INPP5A: variants seen among roughly 807,000 people sequenced by gnomAD.
INPP5A encodes the protein inositol polyphosphate-5-phosphatase A.
INPP5A carries 14 observed loss-of-function variants against 65.2 expected under a neutral mutation model. The observed-to-expected ratio is 0.21, with a 90% CI of 0.14 to 0.34. The LOEUF (loss-of-function observed/expected upper bound fraction) is 0.34, where lower values mean the gene tolerates loss of function less well. Among genes scored for constraint, INPP5A ranks in the 10% least tolerant of loss-of-function variants. The pLI is 1.00. For missense variants in INPP5A, 431 were observed against 545.6 expected (o/e 0.79, Z 2.09); for synonymous variants, 207 against 208.3 (o/e 0.99, Z 0.05).
rs963571846 is a variant in INPP5A, at chr10:132,545,356, C to G, written c.75+7185C>G. Among the ~76,000 whole-genome samples, 4 of 152,128 alleles carry G rather than the reference C, an allele frequency of 2.6e-5. No individual in the cohort carries two copies. Among genetic ancestry groups the G allele is most frequent in the Non-Finnish European group, 5.9e-5 (4 of 68,032 alleles). The stretch of plus-strand genomic sequence containing the variant: ...GGCATTCGGAAGACTTTGACCAGAT[C>G]GGGGCGGCTGAGGGGGCTGCCTACG... On this transcript the variant is annotated intron_variant, in intron 1 of 15. Coordinates refer to ENST00000368594, the MANE Select transcript of INPP5A (RefSeq NM_005539.5). The surrounding 1 kb of genome is among the most constrained non-coding windows in gnomAD (Gnocchi z 4.6).
At chr10:132,696,772 G>C (rs1845350625) in intron 5 of INPP5A, among the ~76,000 whole-genome samples, 1 of 152,208 alleles carries the variant, frequency 6.6e-6, no homozygotes, top group South Asian at 2.1e-4. Context: ...TGTGCGCCTA[G>C]GGCTGGGCCG....
intron 4 of INPP5A, among the ~76,000 whole-genome samples, chr10:132,668,036 A>G (rs1398353606): frequency 2.0e-5 from 3 of 151,990 alleles, no homozygotes; most frequent in Non-Finnish European, 4.4e-5. Context: ...AGATCTTTCA[A>G]GTGTAACTTT....
At chr10:132,720,450 G>T (rs1845848308) in intron 8 of INPP5A, among the ~76,000 whole-genome samples, 1 of 150,848 alleles carries the variant, frequency 6.6e-6, no homozygotes, top group Non-Finnish European at 1.5e-5. Flanking sequence ...TTAGACGGCT[G>T]TCTTCAGGGT....
In INPP5A at chr10:132,540,099, C is replaced by G. The variant is rs971229304; in HGVS notation, c.75+1928C>G. 1.3e-4 allele frequency among the ~76,000 whole-genome samples: 20 copies of G among 152,170 alleles called. 1 individual carries two copies. The highest frequency in any genetic ancestry group is 4.6e-4 in the African/African-American group (19 of 41,444). On this transcript the variant is annotated intron_variant, in intron 1 of 15. Transcript: ENST00000368594. ...CATGTCACTATAGCATGGTTTTGTT[C>G]AGATGATTCAGATCCGTTAGCTGCG... is the stretch of plus-strand genomic sequence containing the variant.
At chr10:132,769,420 C>A (rs1187569152) in intron 12 of INPP5A, among the ~76,000 whole-genome samples, 1 of 152,220 alleles carries the variant, frequency 6.6e-6, no homozygotes, top group Non-Finnish European at 1.5e-5. Context: ...ATAAGGAACT[C>A]TCCCGGGCGG....
At chr10:132,669,843 C>T (rs918831905) in intron 4 of INPP5A, among the ~76,000 whole-genome samples, 1 of 152,042 alleles carries the variant, frequency 6.6e-6, no homozygotes, top group African/African-American at 2.4e-5. Flanking sequence ...CCCACTGTGG[C>T]CTTGCTGAGC....
chr10:132,674,450 C>T lies in INPP5A; in HGVS notation c.307-15942C>T, dbSNP rs551810850. Reference sequence around the variant, plus strand: ...TACAGCTGTCCACTTTCGGGTGGTGCCTGCATACCGTGCAGAACCATCTGT... The same window carrying T: ...TACAGCTGTCCACTTTCGGGTGGTGTCTGCATACCGTGCAGAACCATCTGT... On this transcript the variant is annotated intron_variant, in intron 4 of 15. Coordinates refer to ENST00000368594, the MANE Select transcript of INPP5A (RefSeq NM_005539.5). This position sits in a 1 kb window ranked among gnomAD's most constrained non-coding sequence, Gnocchi z 4.4. Among the ~76,000 whole-genome samples, 2 of 152,328 alleles carry T rather than the reference C, an allele frequency of 1.3e-5. No homozygotes were observed. The highest frequency in any genetic ancestry group is 4.1e-4 in the South Asian group (2 of 4,830).
At position 132,678,205 on chromosome 10, in the gene INPP5A, G is replaced by C. The variant is rs905893882; in HGVS notation, c.307-12187G>C. Among the ~76,000 whole-genome samples the C allele has an allele frequency of 2.6e-5, 4 of 152,230 alleles. No individual in the cohort carries two copies. In the South Asian group the frequency reaches 8.3e-4, roughly 32 times the overall value. ...GGACGGTCACAGCCCCCCGTATGCTGCCTGGGGGTGGCACTGGGGGAAGTG... is the reference window on the plus strand; with the variant it reads ...GGACGGTCACAGCCCCCCGTATGCTCCCTGGGGGTGGCACTGGGGGAAGTG... On this transcript the variant is annotated intron_variant, in intron 4 of 15. Transcript: ENST00000368594. The surrounding 1 kb of genome is among the most constrained non-coding windows in gnomAD (Gnocchi z 4.1).
rs138825712 is a variant in INPP5A at position 132,716,095 on chromosome 10, CAA to C, written c.647+5640_647+5641del. Among the ~76,000 whole-genome samples the C allele has an allele frequency of 3.3e-3, 501 of 152,332 alleles. 3 individuals carry two copies. The highest frequency in any genetic ancestry group is 0.011 in the African/African-American group (476 of 41,568). ...ATCTTCATTTTGTTGAACATGGAGTCAAGAGCCAAGAAAGGTGGTGCCGCTAT... is the reference window on the plus strand; with the variant it reads ...ATCTTCATTTTGTTGAACATGGAGTCGAGCCAAGAAAGGTGGTGCCGCTAT... On this transcript the variant is annotated intron_variant, in intron 8 of 15. Transcript: ENST00000368594.
Position 132,650,438 on chromosome 10 carries a change from C to T in INPP5A, c.239C>T (p.Ala80Val), listed in dbSNP as rs751524528. 17 of 1,613,340 alleles carry T rather than the reference C, an allele frequency of 1.1e-5. No individual in the cohort carries two copies. The highest frequency in any genetic ancestry group is 6.7e-5 in the East Asian group (3 of 44,862). Residue 80 changes from alanine to valine, a missense_variant, in exon 4 of 16, where the codon GCG (alanine) becomes GTG (valine). Ala to Val is a moderately conservative substitution (Grantham distance 64). Transcript: ENST00000368594. The surrounding 1 kb of genome is among the most constrained non-coding windows in gnomAD (Gnocchi z 5.5). Reference sequence around the variant, plus strand: ...TCCAGAGAACTATTGTCGAGTGATGCGATGAAAGAATATAACAGGGCTCGA... The same window carrying T: ...TCCAGAGAACTATTGTCGAGTGATGTGATGAAAGAATATAACAGGGCTCGA... Reference protein sequence around the residue: ...KFVKELLSSDAMKEYNRARVY... With the variant: ...KFVKELLSSDVMKEYNRARVY...
intron 2 of INPP5A, among the ~76,000 whole-genome samples, chr10:132,635,458 C>T (rs1432966694): frequency 1.2e-3 from 136 of 115,132 alleles, no homozygotes; most frequent in African/African-American, 4.2e-3. Context: ...TGCAGTGGCG[C>T]GATCTTGGCT....
intron 3 of INPP5A, among the ~76,000 whole-genome samples, chr10:132,649,614 C>T (rs938451256): frequency 6.6e-6 from 1 of 152,152 alleles, no homozygotes; most frequent in African/African-American, 2.4e-5. Flanking sequence ...TCAATGTGGA[C>T]CCCCCTTCTT....
At chr10:132,563,083 C>T (rs1017930293) in intron 1 of INPP5A, among the ~76,000 whole-genome samples, 1 of 152,228 alleles carries the variant, frequency 6.6e-6, no homozygotes, top group Admixed American at 6.5e-5. Context: ...GGCAGAGGGA[C>T]TGCGAGGTGC....
intron 4 of INPP5A, among the ~76,000 whole-genome samples, chr10:132,654,893 C>G (rs2072633146): frequency 6.6e-6 from 1 of 152,242 alleles, no homozygotes; most frequent in Non-Finnish European, 1.5e-5. Flanking sequence ...CCATTGCCAC[C>G]AGGAGATGGC....
intron 4 of INPP5A, among the ~76,000 whole-genome samples, chr10:132,658,982 G>A (rs1246856206): frequency 6.6e-6 from 1 of 152,208 alleles, no homozygotes; most frequent in Admixed American, 6.5e-5. Context: ...TGCCTGGGAA[G>A]CTCCTTCTGC....
intron 1 of INPP5A, among the ~76,000 whole-genome samples, chr10:132,579,180 G>A (rs531581986): frequency 2.0e-5 from 3 of 152,216 alleles, no homozygotes; most frequent in East Asian, 3.9e-4. Flanking sequence ...GCTCCAAGCT[G>A]GGCTAGCTGG....
Position 132,698,467 on chromosome 10 carries a change from T to G in INPP5A, c.474+548T>G, listed in dbSNP as rs1418073989. ...TTTGTCGTCTCACTGCCAGACACGG[T>G]GTTGATGAGAAATTGGTGTTTCCTT... On this transcript the variant is annotated intron_variant, in intron 6 of 15. Coordinates refer to ENST00000368594, the MANE Select transcript of INPP5A (RefSeq NM_005539.5). The surrounding 1 kb of genome is among the most constrained non-coding windows in gnomAD (Gnocchi z 5.5). 2.6e-5 allele frequency among the ~76,000 whole-genome samples: 4 copies of G among 152,152 alleles called. No homozygotes were observed. Among genetic ancestry groups the G allele is most frequent in the African/African-American group, 9.7e-5 (4 of 41,418 alleles).
At chr10:132,766,375 G>A (rs994534595) in intron 12 of INPP5A, among the ~76,000 whole-genome samples, 1 of 152,234 alleles carries the variant, frequency 6.6e-6, no homozygotes, top group Non-Finnish European at 1.5e-5. Context: ...TACGGGGACT[G>A]TGTGTTATGG....
At chr10:132,667,937 G>A (rs1255807930) in intron 4 of INPP5A, among the ~76,000 whole-genome samples, 1 of 152,184 alleles carries the variant, frequency 6.6e-6, no homozygotes, top group Non-Finnish European at 1.5e-5. Flanking sequence ...ATTCTCCAGT[G>A]ATTCATCCGC....
Sources: gnomAD v4.1 joint callset for allele counts (sites outside exome capture counted in the v4.1 genomes callset) on GRCh38, gnomAD v4.1.1 for gene constraint, Gnocchi (gnomAD v3.1) non-coding constraint, MANE v1.5 for transcripts, NCBI Gene and HGNC (gene_info 2026-07-23, HGNC 2026-07-21) for gene names.